ATP11C: variants seen among roughly 807,000 people sequenced by gnomAD.
The protein encoded by ATP11C is phospholipid-transporting ATPase IG.
Under a neutral mutation model 97.4 loss-of-function variants are expected in ATP11C, and 36 were observed. The observed-to-expected ratio is 0.37, with a 90% CI of 0.28 to 0.49. The LOEUF is 0.49. Ranked by LOEUF, ATP11C falls within the 20% of genes least tolerant of loss-of-function variation. The probability of loss-of-function intolerance (pLI) is 0.98; values close to 1 mark genes in which losing one functional copy is unlikely to be tolerated. For synonymous variants in ATP11C, 275 were observed against 290.9 expected (o/e 0.95, Z 0.56); for missense variants, 730 against 824.6 (o/e 0.89, Z 1.40).
At chrX:139,763,524 C>A (rs1277199607) in intron 20 of ATP11C, 106 bp from the exon 21 acceptor site, 2 of 557,995 alleles carry the variant, frequency 3.6e-6, no homozygotes, top group Non-Finnish European at 5.9e-6. Context: ...AGCAGCCTTG[C>A]AAACAGAAAG....
chrX:139,851,618 A>G (rs935650630), intron 1 of ATP11C, among the ~76,000 whole-genome samples: 2 of 111,389 alleles, frequency 1.8e-5, no homozygotes, highest in African/African-American at 6.5e-5. Context: ...AGCCTGGGAG[A>G]GCTGCAAGTA....
chrX:139,863,319 G>A (rs762007671), intron 1 of ATP11C, among the ~76,000 whole-genome samples: 16 of 111,984 alleles, frequency 1.4e-4, no homozygotes, highest in African/African-American at 4.9e-4. Context: ...GATCACTTGA[G>A]GTCAGGAGTT....
intron 22 of ATP11C, among the ~76,000 whole-genome samples, chrX:139,758,144 A>C (rs2081972812): frequency 8.9e-6 from 1 of 112,169 alleles, no homozygotes; most frequent in African/African-American, 3.2e-5. Flanking sequence ...GAGCTCCTCC[A>C]ATATGAACAC....
At chrX:139,935,968 C>T (rs2085514200), upstream of ATP11C, among the ~76,000 whole-genome samples, 1 of 109,756 alleles carries the variant, frequency 9.1e-6, no homozygotes, top group Admixed American at 9.7e-5. Flanking sequence ...TACACTCAAG[C>T]CTGGGCAACA....
At chrX:139,745,613 T>C in intron 25 of ATP11C, 109 bp downstream of exon 25, 2 of 848,555 alleles carry the variant, frequency 2.4e-6, no homozygotes, top group Non-Finnish European at 3.2e-6. Context: ...TCAGAAAAAG[T>C]TTGTAAAATG....
intron 1 of ATP11C, among the ~76,000 whole-genome samples, chrX:139,869,886 C>CAAAAAAAA (rs59723137): frequency 2.4e-5 from 1 of 42,250 alleles, no homozygotes; most frequent in Non-Finnish European, 5.2e-5. Flanking sequence ...ACTAGACTGG[C>CAAAAAAAA]AAAAAAAAAA....
At chrX:139,800,304 T>C (rs984948805) in intron 7 of ATP11C, among the ~76,000 whole-genome samples, 194 bp from the exon 8 acceptor site, 2 of 112,097 alleles carry the variant, frequency 1.8e-5, no homozygotes, top group Non-Finnish European at 3.8e-5. Context: ...CATTTTCATA[T>C]AATTTTTAAA....
chrX:139,742,897 AT>A (rs2081598048), intron 26 of ATP11C, among the ~76,000 whole-genome samples: 1 of 95,750 alleles, frequency 1.0e-5, no homozygotes, highest in Non-Finnish European at 2.1e-5. Context: ...ATATATATAT[AT>A]ATATATATAT....
chrX:139,876,915 T>C (rs893269176), intron 1 of ATP11C, among the ~76,000 whole-genome samples: 4 of 112,332 alleles, frequency 3.6e-5, no homozygotes, highest in Non-Finnish European at 7.5e-5. Context: ...TGCCTGCAGG[T>C]GAACAATGCC....
chrX:139,871,516 C>CTT (rs1206468631), intron 1 of ATP11C, among the ~76,000 whole-genome samples: 2,154 of 77,148 alleles, frequency 0.028, 118 homozygotes, highest in East Asian at 0.19. Context: ...GCCACCCCCG[C>CTT]TTTTTTTTTT....
intron 1 of ATP11C, among the ~76,000 whole-genome samples, chrX:139,863,022 G>A (rs772726516): frequency 4.5e-5 from 5 of 111,090 alleles, no homozygotes; most frequent in African/African-American, 1.3e-4. Flanking sequence ...AGAAACCCCC[G>A]AGAAGAAAAG....
At chrX:139,854,734 T>C (rs988794123) in intron 1 of ATP11C, among the ~76,000 whole-genome samples, 1 of 112,617 alleles carries the variant, frequency 8.9e-6, no homozygotes, top group Admixed American at 9.4e-5. Context: ...AAGTAAAATA[T>C]ACTTTCAGTA....
intron 1 of ATP11C, among the ~76,000 whole-genome samples, chrX:139,835,807 T>A (rs1459690429): frequency 9.6e-6 from 1 of 104,617 alleles, no homozygotes; most frequent in Non-Finnish European, 2.0e-5. Context: ...GGTGGGTGGA[T>A]CACTTGGTCA....
chrX:139,824,798 T>G (rs192451220), intron 2 of ATP11C, among the ~76,000 whole-genome samples: 10 of 112,344 alleles, frequency 8.9e-5, no homozygotes, highest in African/African-American at 3.2e-4. Flanking sequence ...TTACTGGTGG[T>G]ATTTGTAAAC....
chrX:139,736,260 C>A (rs1181357171), intron 28 of ATP11C, among the ~76,000 whole-genome samples: 1 of 111,828 alleles, frequency 8.9e-6, no homozygotes, highest in Non-Finnish European at 1.9e-5. Context: ...TCACCTCCAG[C>A]CAATGTCTAA....
chrX:139,892,784 C>T (rs781298313), intron 1 of ATP11C, among the ~76,000 whole-genome samples: 14 of 111,705 alleles, frequency 1.3e-4, no homozygotes, highest in African/African-American at 4.5e-4. Flanking sequence ...CCAAAATTCT[C>T]TCTAACTCAA....
chrX:139,747,788 C>T lies in ATP11C; in HGVS notation c.2829-1931G>A, dbSNP rs758796303. On this transcript the variant is annotated intron_variant, in intron 24 of 29. Transcript: ENST00000682941. ...TAGGAAGACCAGGGCTTCATGTTCA[C>T]AAAAGAACAGTCAGAGTAATGAAAC... Among the ~76,000 whole-genome samples the T allele has an allele frequency of 9.8e-5, 11 of 111,693 alleles. No individual in the cohort carries two copies. In the South Asian group the frequency reaches 2.6e-3, roughly 27 times the overall value.
intron 1 of ATP11C, among the ~76,000 whole-genome samples, chrX:139,896,610 T>C (rs1418725542): frequency 1.1e-5 from 1 of 95,111 alleles, no homozygotes; most frequent in African/African-American, 4.2e-5. Context: ...TTCCCTTTCT[T>C]GAGAAAGAGT....
In ATP11C at chrX:139,870,652, G is replaced by T. The variant is rs190185930; in HGVS notation, c.28-43829C>A. Among the ~76,000 whole-genome samples the T allele has an allele frequency of 9.8e-5, 11 of 112,368 alleles. No individual in the cohort carries two copies. The Admixed American group carries it at 1.0e-3, about 11-fold the overall frequency. On this transcript the variant is annotated intron_variant, in intron 1 of 29. Coordinates refer to ENST00000682941, the MANE Select transcript of ATP11C (RefSeq NM_001353812.2). Reference sequence around the variant, plus strand: ...ATATCTAAACATTGGAATACTGTGGGACATCTATTTATGAGTAGCTACGTA... The same window carrying T: ...ATATCTAAACATTGGAATACTGTGGTACATCTATTTATGAGTAGCTACGTA...
Sources: allele counts gnomAD v4.1 joint callset (sites outside exome capture counted in the v4.1 genomes callset), GRCh38; gene constraint gnomAD v4.1.1; transcripts MANE v1.5; gene names NCBI Gene and HGNC (gene_info 2026-07-23, HGNC 2026-07-21).